Variants in STK32C observed in about 807,000 individuals in gnomAD.
The protein encoded by STK32C is serine/threonine-protein kinase 32C.
Under a neutral mutation model 56.5 loss-of-function variants are expected in STK32C, and 31 were observed. The observed-to-expected ratio is 0.55, with a 90% CI of 0.41 to 0.74. STK32C has a LOEUF of 0.74. Among genes scored for constraint, STK32C ranks in the 30% least tolerant of loss-of-function variants. The pLI is 0.00. For synonymous variants in STK32C, 309 were observed against 289.4 expected, an observed-to-expected ratio of 1.07 and a Z score of -0.69; for missense variants, 544 against 676.9, an observed-to-expected ratio of 0.80 and a Z score of 2.18.
At chr10:132,262,240 C>T (rs1345299272) in intron 1 of STK32C, among the ~76,000 whole-genome samples, 2 of 152,184 alleles carry the variant, frequency 1.3e-5, no homozygotes, top group African/African-American at 4.8e-5. Context: ...CGGCGAGCCA[C>T]ATGAGGAAGA....
intron 1 of STK32C, among the ~76,000 whole-genome samples, chr10:132,289,716 T>C (rs920965909): frequency 6.6e-6 from 1 of 152,254 alleles, no homozygotes; most frequent in Admixed American, 6.5e-5. Flanking sequence ...AGAAAGGTGG[T>C]GACAGAGCCC....
chr10:132,220,973 G>C (rs923182901), intron 10 of STK32C, among the ~76,000 whole-genome samples: 7 of 152,258 alleles, frequency 4.6e-5, no homozygotes, highest in African/African-American at 1.4e-4. Flanking sequence ...GCAGGAGACA[G>C]AGTAGTTCAC....
chr10:132,257,081 C>T (rs2064148859), intron 1 of STK32C, among the ~76,000 whole-genome samples: 1 of 152,174 alleles, frequency 6.6e-6, no homozygotes, highest in African/African-American at 2.4e-5. Flanking sequence ...TGGGGTGTGG[C>T]TGCACCAAGG....
At chr10:132,215,388 C>G (rs1370030395) in intron 10 of STK32C, among the ~76,000 whole-genome samples, 1 of 152,024 alleles carries the variant, frequency 6.6e-6, no homozygotes, top group African/African-American at 2.4e-5. Flanking sequence ...CCACAATTCC[C>G]GTGTGTCATG....
chr10:132,293,034 G>A (rs2065618321), intron 1 of STK32C, among the ~76,000 whole-genome samples: 1 of 152,256 alleles, frequency 6.6e-6, no homozygotes, highest in South Asian at 2.1e-4. Flanking sequence ...TGCAGGGCAA[G>A]AGGCTGACCC....
chr10:132,223,884 G>T (rs1387479926), intron 8 of STK32C, among the ~76,000 whole-genome samples: 2 of 152,232 alleles, frequency 1.3e-5, no homozygotes, highest in African/African-American at 4.8e-5. Context: ...CCTAGCACCA[G>T]ATCACAAATG....
At chr10:132,250,055 G>A (rs2063839951) in intron 1 of STK32C, among the ~76,000 whole-genome samples, 2 of 152,250 alleles carry the variant, frequency 1.3e-5, no homozygotes, top group African/African-American at 2.4e-5. Context: ...GAGTGGTCCT[G>A]CAACCACCAC....
At chr10:132,270,274 G>C (rs2064772451) in intron 1 of STK32C, among the ~76,000 whole-genome samples, 2 of 152,258 alleles carry the variant, frequency 1.3e-5, no homozygotes, top group South Asian at 4.1e-4. Context: ...AATCTTGAGA[G>C]GGTGGGACTC....
intron 10 of STK32C, among the ~76,000 whole-genome samples, chr10:132,212,966 T>TG (rs1234255589): frequency 3.3e-5 from 5 of 152,222 alleles, no homozygotes; most frequent in Non-Finnish European, 5.9e-5. Context: ...TGGGCAGCTC[T>TG]GGGGAGCGGC....
chr10:132,301,573 T>C (rs912883527), intron 1 of STK32C, among the ~76,000 whole-genome samples: 1 of 151,898 alleles, frequency 6.6e-6, no homozygotes, highest in Non-Finnish European at 1.5e-5. Context: ...GGGGCCACAC[T>C]CCCCAGGAAC....
At chr10:132,275,516 T>C (rs1349334028) in intron 1 of STK32C, among the ~76,000 whole-genome samples, 1 of 152,142 alleles carries the variant, frequency 6.6e-6, no homozygotes, top group Admixed American at 6.5e-5. Flanking sequence ...CATCCTAGGA[T>C]TTTGCTCCAG....
chr10:132,277,297 C>T (rs1393808384), intron 1 of STK32C, among the ~76,000 whole-genome samples: 1 of 152,194 alleles, frequency 6.6e-6, no homozygotes, highest in Non-Finnish European at 1.5e-5. Flanking sequence ...AGCACCTGGA[C>T]TTCCCAAGTT....
chr10:132,222,905 C>T lies in STK32C; in HGVS notation c.1075G>A (p.Asp359Asn). The T allele has an allele frequency of 6.4e-7, 1 of 1,568,432 alleles. No individual in the cohort carries two copies. ...AAPALAGVLW[D>N]HLSEKRVEPG... ...TCCACCCTCTTCTCGCTCAGGTGGT[C>T]CCACAGCACGCCGGCCAGCGCCGGG... The change falls in exon 9 of 12, where the codon GAC (aspartate) becomes AAC (asparagine). Residue 359 changes from aspartate (D) to asparagine (N), a missense_variant. Asp to Asn is a conservative substitution (Grantham distance 23). Around this residue, in one of 3 missense-constraint regions of STK32C, gnomAD observed 277 missense variants for 309.3 expected, o/e 0.90. Transcript: ENST00000298630.
At position 132,230,395 on chromosome 10, in the gene STK32C, G is replaced by A. The variant is rs2063050219; in HGVS notation, c.319-2267C>T. 5.3e-5 allele frequency among the ~76,000 whole-genome samples: 8 copies of A among 152,312 alleles called. No individual in the cohort carries two copies. In the South Asian group the frequency reaches 1.4e-3, roughly 28 times the overall value. On this transcript the variant is annotated intron_variant, in intron 2 of 11. Coordinates refer to ENST00000298630, the MANE Select transcript of STK32C (RefSeq NM_173575.4). ...AGGAGGCCGAGGAGTCCCGTGCCCG[G>A]GATGGAAGCCCCAGCCTCACTCTGC...
At chr10:132,236,816 C>A (rs779933891) in intron 2 of STK32C, among the ~76,000 whole-genome samples, 27 of 152,202 alleles carry the variant, frequency 1.8e-4, no homozygotes, top group Non-Finnish European at 3.2e-4. Flanking sequence ...GACCTGGTGC[C>A]TGGGGTTCAC....
intron 2 of STK32C, among the ~76,000 whole-genome samples, chr10:132,228,616 G>A (rs934680087): frequency 1.3e-5 from 2 of 152,240 alleles, no homozygotes; most frequent in Admixed American, 6.5e-5. Flanking sequence ...CCACGACCTG[G>A]GCATGGAGTT....
intron 10 of STK32C, among the ~76,000 whole-genome samples, chr10:132,212,392 T>C (rs1490482716): frequency 2.6e-5 from 4 of 152,218 alleles, no homozygotes; most frequent in Non-Finnish European, 5.9e-5. Context: ...AGCTGGACCC[T>C]CACCTGACAT....
At position 132,307,615 on chromosome 10, in the gene STK32C, C is replaced by A; in HGVS notation, c.219G>T (p.Ser73=). ...ACACCGGCCTCCGCGCGGTGGCCGC[C>A]GACATGGACGAGCCCATCCTCTTCT... is the stretch of plus-strand genomic sequence containing the variant. The part of the protein sequence containing the change: ...KWKKRMGSSM[S]AATARRPVFD... Residue 73 remains serine, a synonymous_variant, in exon 1 of 12, where the codon TCG becomes TCT. Transcript: ENST00000298630. This position sits in a 1 kb window ranked among gnomAD's most constrained non-coding sequence, Gnocchi z 4.4. The A allele has an allele frequency of 6.4e-7, 1 of 1,560,856 alleles. No homozygotes were observed. The highest frequency in any genetic ancestry group is 8.6e-7 in the Non-Finnish European group (1 of 1,156,972).
chr10:132,276,844 C>T (rs2065011225), intron 1 of STK32C, among the ~76,000 whole-genome samples: 1 of 152,156 alleles, frequency 6.6e-6, no homozygotes, highest in Non-Finnish European at 1.5e-5. Context: ...CCCAGCGTGG[C>T]CCACGGTCCC....
Sources: gnomAD v4.1 joint callset for allele counts (sites outside exome capture counted in the v4.1 genomes callset) on GRCh38, gnomAD v4.1.1 for gene constraint, gnomAD v4.1.1 regional missense constraint, Gnocchi (gnomAD v3.1) non-coding constraint, MANE v1.5 for transcripts, NCBI Gene and HGNC (gene_info 2026-07-23, HGNC 2026-07-21) for gene names.